CADM1: variants seen among roughly 807,000 people sequenced by gnomAD.
CADM1 encodes cell adhesion molecule 1, also known as TSLC-1.
A neutral mutation model predicts 53.1 loss-of-function variants in CADM1; 15 were observed. The observed-to-expected ratio is 0.28, with a 90% CI of 0.19 to 0.44. The LOEUF is 0.44. Among genes scored for constraint, CADM1 ranks in the 20% least tolerant of loss-of-function variants. The pLI is 1.00. For missense variants in CADM1, 434 were observed against 611.3 expected (o/e 0.71, Z 3.06); for synonymous variants, 281 against 243.0 (o/e 1.16, Z -1.45).
At chr11:115,258,508 G>A (rs566751451) in intron 1 of CADM1, among the ~76,000 whole-genome samples, 1 of 152,306 alleles carries the variant, frequency 6.6e-6, no homozygotes, top group East Asian at 1.9e-4. Context: ...TCTGCCACCA[G>A]CTCTGTTTCC....
At chr11:115,276,273 G>A (rs1438906537) in intron 1 of CADM1, among the ~76,000 whole-genome samples, 1 of 152,112 alleles carries the variant, frequency 6.6e-6, no homozygotes, top group African/African-American at 2.4e-5. Context: ...TTGTATTTGT[G>A]CTTAAAAAGC....
intron 6 of CADM1, among the ~76,000 whole-genome samples, chr11:115,217,574 T>C (rs560140950): frequency 5.9e-5 from 9 of 152,196 alleles, no homozygotes; most frequent in Non-Finnish European, 1.3e-4. Context: ...ATCATTAGAT[T>C]GTAGGGACAC....
intron 1 of CADM1, among the ~76,000 whole-genome samples, chr11:115,310,808 T>G (rs997203923): frequency 6.6e-6 from 1 of 152,176 alleles, no homozygotes; most frequent in African/African-American, 2.4e-5. Flanking sequence ...AATAAAAGGT[T>G]AGCAGAGAAA....
intron 1 of CADM1, among the ~76,000 whole-genome samples, chr11:115,300,753 C>T (rs1373330540): frequency 6.6e-6 from 1 of 152,042 alleles, no homozygotes; most frequent in African/African-American, 2.4e-5. Flanking sequence ...GGGCTGCTTC[C>T]TCATAGTTTC....
At chr11:115,475,501 A>G (rs565854230) in intron 1 of CADM1, among the ~76,000 whole-genome samples, 27 of 152,222 alleles carry the variant, frequency 1.8e-4, no homozygotes, top group Admixed American at 8.5e-4. Context: ...CGTATCGCCA[A>G]AAACTGTCAA....
intron 1 of CADM1, among the ~76,000 whole-genome samples, chr11:115,321,898 G>A (rs1200018878): frequency 6.6e-6 from 1 of 152,106 alleles, no homozygotes; most frequent in Non-Finnish European, 1.5e-5. Flanking sequence ...ACTAAAACTG[G>A]TAGGTTCTTA....
chr11:115,255,124 C>A (rs1179864826), intron 1 of CADM1, among the ~76,000 whole-genome samples: 1 of 152,046 alleles, frequency 6.6e-6, no homozygotes, highest in African/African-American at 2.4e-5. Flanking sequence ...AGAGGTCAGG[C>A]GCACGGGCTT....
At chr11:115,328,909 T>C (rs554187451) in intron 1 of CADM1, among the ~76,000 whole-genome samples, 9 of 149,788 alleles carry the variant, frequency 6.0e-5, no homozygotes, top group African/African-American at 2.2e-4. Context: ...GATGAGATTA[T>C]GGCATTTTAT....
chr11:115,357,404 G>C (rs369661163), intron 1 of CADM1, among the ~76,000 whole-genome samples: 5 of 152,108 alleles, frequency 3.3e-5, no homozygotes, highest in East Asian at 1.9e-4. Context: ...TGAAAGTGTG[G>C]GGCTAGGAAG....
intron 1 of CADM1, among the ~76,000 whole-genome samples, chr11:115,244,982 A>G (rs1591638451): frequency 6.6e-6 from 1 of 152,200 alleles, no homozygotes. Flanking sequence ...CTGGCTGTTC[A>G]TCAATAAAGC....
intron 1 of CADM1, among the ~76,000 whole-genome samples, chr11:115,404,470 A>C (rs1376917072): frequency 8.1e-5 from 12 of 147,530 alleles, no homozygotes; most frequent in Admixed American, 8.1e-4. Context: ...AAAAAGAGAA[A>C]GGGAGAGAAA....
chr11:115,363,352 T>C (rs180914188), intron 1 of CADM1, among the ~76,000 whole-genome samples: 3 of 152,336 alleles, frequency 2.0e-5, no homozygotes, highest in Admixed American at 2.0e-4. Flanking sequence ...ATCATTCAAC[T>C]TGTGGACCAA....
At chr11:115,252,639 T>G (rs1942642821) in intron 1 of CADM1, among the ~76,000 whole-genome samples, 1 of 152,184 alleles carries the variant, frequency 6.6e-6, no homozygotes, top group Non-Finnish European at 1.5e-5. Flanking sequence ...CCTCCCTTTC[T>G]GTATAAGCCC....
intron 1 of CADM1, among the ~76,000 whole-genome samples, chr11:115,400,036 T>C (rs2135209335): frequency 6.6e-6 from 1 of 152,302 alleles, no homozygotes; most frequent in Middle Eastern, 3.4e-3. Flanking sequence ...GCTCATTCTT[T>C]TTCAGAATAA....
intron 1 of CADM1, among the ~76,000 whole-genome samples, chr11:115,330,770 T>C (rs543707979): frequency 1.3e-5 from 2 of 152,256 alleles, no homozygotes; most frequent in East Asian, 3.9e-4. Context: ...CAAAGGATGA[T>C]TGGAAGCAGG....
intron 1 of CADM1, among the ~76,000 whole-genome samples, chr11:115,309,883 A>G (rs1362891243): frequency 1.3e-5 from 2 of 152,170 alleles, no homozygotes; most frequent in African/African-American, 4.8e-5. Context: ...GATACTCGAG[A>G]ATAATCCCTA....
At chr11:115,459,540 G>T (rs1191020844) in intron 1 of CADM1, among the ~76,000 whole-genome samples, 2 of 152,140 alleles carry the variant, frequency 1.3e-5, no homozygotes, top group African/African-American at 4.8e-5. Flanking sequence ...AAAAGAAAGA[G>T]AGAAGAAAGT....
intron 1 of CADM1, among the ~76,000 whole-genome samples, chr11:115,489,037 GA>G (rs1949437555): frequency 6.6e-6 from 1 of 152,186 alleles, no homozygotes; most frequent in African/African-American, 2.4e-5. Flanking sequence ...CTGAGGTGAA[GA>G]GGAACAGATG....
chr11:115,238,371 G>T (rs978786914), intron 3 of CADM1, 129 bp downstream of exon 3: 8 of 1,024,658 alleles, frequency 7.8e-6, no homozygotes, highest in East Asian at 2.4e-5. Context: ...TTAAAATTCA[G>T]CAAGATGGGC....
Sources: allele counts gnomAD v4.1 joint callset (sites outside exome capture counted in the v4.1 genomes callset), GRCh38; gene constraint gnomAD v4.1.1; transcripts MANE v1.5; gene names NCBI Gene and HGNC (gene_info 2026-07-23, HGNC 2026-07-21).